Variants in CACNA1C observed in about 807,000 individuals in gnomAD.
CACNA1C encodes the protein voltage-dependent L-type calcium channel subunit alpha-1C.
Under a neutral mutation model 229.0 loss-of-function variants are expected in CACNA1C, and 30 were observed. The observed-to-expected ratio is 0.13, with a 90% CI of 0.10 to 0.18. The LOEUF is 0.18. Ranked by LOEUF, CACNA1C falls within the 10% of genes least tolerant of loss-of-function variation. The probability of loss-of-function intolerance (pLI) is 1.00; values close to 1 mark genes in which losing one functional copy is unlikely to be tolerated. For missense variants in CACNA1C, 1,658 were observed against 2,845.0 expected (o/e 0.58, Z 9.49); for synonymous variants, 1,114 against 1,132.5 (o/e 0.98, Z 0.33).
chr12:2,373,034 C>G (rs188049168), intron 3 of CACNA1C, among the ~76,000 whole-genome samples: 65 of 152,326 alleles, frequency 4.3e-4, no homozygotes, highest in Non-Finnish European at 3.7e-4. Flanking sequence ...CTGGGGCACT[C>G]GGCACATTCC....
At chr12:2,660,972 T>C (rs1489681346) in intron 34 of CACNA1C, 1 of 151,556 alleles carries the variant, frequency 6.6e-6, no homozygotes, top group African/African-American at 2.4e-5. Flanking sequence ...AAAAATAAGA[T>C]TTTCACCAGG....
intron 10 of CACNA1C, among the ~76,000 whole-genome samples, chr12:2,555,020 C>G (rs1014938283): frequency 7.2e-5 from 11 of 152,304 alleles, no homozygotes; most frequent in African/African-American, 2.6e-4. Context: ...AAGTGTGGTG[C>G]CCAGGCTTAT....
intron 3 of CACNA1C, among the ~76,000 whole-genome samples, chr12:2,324,111 C>T (rs1470815356): frequency 6.6e-6 from 1 of 152,160 alleles, no homozygotes; most frequent in Non-Finnish European, 1.5e-5. Context: ...ATTGTCAATC[C>T]TTCCCTTCAA....
At chr12:2,277,987 G>T (rs2089563396) in intron 3 of CACNA1C, among the ~76,000 whole-genome samples, 1 of 152,210 alleles carries the variant, frequency 6.6e-6, no homozygotes, top group Non-Finnish European at 1.5e-5. Flanking sequence ...ACAGACTGAG[G>T]CTGGCCAGGC....
At chr12:2,082,472 G>A (rs763483359) in intron 1 of CACNA1C, among the ~76,000 whole-genome samples, 35 of 152,128 alleles carry the variant, frequency 2.3e-4, no homozygotes, top group Admixed American at 8.5e-4. Flanking sequence ...TCGCTCCCCA[G>A]TTTCTATGTG....
chr12:2,490,535 A>T (rs1443249721), intron 6 of CACNA1C, among the ~76,000 whole-genome samples: 1 of 152,216 alleles, frequency 6.6e-6, no homozygotes, highest in Non-Finnish European at 1.5e-5. Context: ...GACTGAACAC[A>T]TCTCCCTAGA....
intron 1 of CACNA1C, among the ~76,000 whole-genome samples, chr12:2,023,136 A>G (rs1331962312): frequency 6.6e-6 from 1 of 152,204 alleles, no homozygotes; most frequent in Admixed American, 6.5e-5. Context: ...AAAACGAAAG[A>G]AAACAGTCAA....
rs553099939 is a variant in CACNA1C at position 2,585,389 on chromosome 12, G to C, written c.2353G>C (p.Glu785Gln). 2 of 1,612,648 alleles carry C rather than the reference G, an allele frequency of 1.2e-6. No homozygotes were observed. Among genetic ancestry groups the C allele is most frequent in the Non-Finnish European group, 1.7e-6 (2 of 1,179,340 alleles). ...CTGACTGGCCAGGACTGCCAGCCCA[G>C]AGAAGAAACAAGAGTTGGTGGAGAA... The part of the protein sequence containing the change: ...RKKLARTASP[E>Q]KKQELVEKPA... Residue 785 changes from glutamate (E) to glutamine (Q), a missense_variant, in exon 17 of 47, where the codon GAG becomes CAG. This residue lies in a region of CACNA1C where 121 missense variants were observed against 128.8 expected (regional missense o/e 0.94). Coordinates refer to ENST00000399655, the MANE Select transcript of CACNA1C (RefSeq NM_000719.7). The surrounding 1 kb of genome is among the most constrained non-coding windows in gnomAD (Gnocchi z 4.1).
rs114898435 is a variant in CACNA1C, at chr12:2,668,886, A to G, written c.4624-47A>G. On this transcript the variant is annotated intron_variant, in intron 37 of 46. Transcript: ENST00000399655. ...CTGCCACGGTGTTCTGCGGTCCCCT[A>G]AGCACCGCCTGCCATCATCACCAGC... The G allele has an allele frequency of 2.1e-3, 2,709 of 1,299,490 alleles. 51 individuals carry two copies. In the African/African-American group the frequency reaches 0.035, roughly 17 times the overall value. 80.5% of individuals were successfully genotyped at this position (1,299,490 alleles called of 1,614,324 possible).
chr12:2,523,167 A>C (rs1275448203), intron 9 of CACNA1C, among the ~76,000 whole-genome samples: 1 of 150,366 alleles, frequency 6.7e-6, no homozygotes, highest in Non-Finnish European at 1.5e-5. Flanking sequence ...TGGTGCTGGT[A>C]GTAGGGCATG....
At chr12:2,336,847 C>T (rs1316450384) in intron 3 of CACNA1C, among the ~76,000 whole-genome samples, 2 of 152,040 alleles carry the variant, frequency 1.3e-5, no homozygotes, top group Admixed American at 6.6e-5. Context: ...GAGAAAGGAG[C>T]GAGTGGAGTG....
chr12:2,063,114 C>G (rs1386451161), intron 1 of CACNA1C, among the ~76,000 whole-genome samples: 1 of 151,642 alleles, frequency 6.6e-6, no homozygotes, highest in Non-Finnish European at 1.5e-5. Context: ...ACTTTTGTCT[C>G]TATGGATTTT....
At chr12:2,343,987 G>A (rs754817860) in intron 3 of CACNA1C, among the ~76,000 whole-genome samples, 2 of 152,090 alleles carry the variant, frequency 1.3e-5, no homozygotes, top group Admixed American at 6.5e-5. Context: ...TAGAGAAAAC[G>A]GTGCCACCTT....
At chr12:2,072,966 A>G (rs532057747) in intron 1 of CACNA1C, among the ~76,000 whole-genome samples, 1 of 152,272 alleles carries the variant, frequency 6.6e-6, no homozygotes, top group African/African-American at 2.4e-5. Flanking sequence ...GGACACAGTG[A>G]TAGATACGTT....
At position 2,653,919 on chromosome 12, in the gene CACNA1C, C is replaced by G; in HGVS notation, c.4140+19C>G. The G allele has an allele frequency of 6.2e-7, 1 of 1,609,420 alleles. No homozygotes were observed. The highest frequency in any genetic ancestry group is 8.5e-7 in the Non-Finnish European group (1 of 1,176,068). The stretch of plus-strand genomic sequence containing the variant: ...GATGCAGGTAGGGAGGCTCCCACCA[C>G]GGGGCTCCTGGCCTCCCGCTCTGTC... On this transcript the variant is annotated intron_variant, in intron 33 of 46. Coordinates refer to ENST00000399655, the MANE Select transcript of CACNA1C (RefSeq NM_000719.7). The surrounding 1 kb of genome is among the most constrained non-coding windows in gnomAD (Gnocchi z 4.7).
chr12:2,354,994 T>C lies in CACNA1C; in HGVS notation c.478-93982T>C, dbSNP rs373377075. Among the ~76,000 whole-genome samples the C allele has an allele frequency of 2.0e-5, 3 of 151,364 alleles. 1 individual carries two copies. Reference sequence around the variant, plus strand: ...GTGCAGGTGTGAGGATGGGTCTGGGTGTGGGGTGGGGTGGAGGGCTGAAGA... The same window carrying C: ...GTGCAGGTGTGAGGATGGGTCTGGGCGTGGGGTGGGGTGGAGGGCTGAAGA... On this transcript the variant is annotated intron_variant, in intron 3 of 46. Coordinates refer to ENST00000399655, the MANE Select transcript of CACNA1C (RefSeq NM_000719.7). The surrounding 1 kb of genome is among the most constrained non-coding windows in gnomAD (Gnocchi z 4.6).
At chr12:2,549,481 A>G (rs899497460) in intron 9 of CACNA1C, among the ~76,000 whole-genome samples, 3 of 152,208 alleles carry the variant, frequency 2.0e-5, no homozygotes, top group Admixed American at 6.5e-5. Flanking sequence ...CGCCCTTTCT[A>G]CAAACAGGCT....
At chr12:2,169,680 CTGTT>C (rs1247759471) in intron 3 of CACNA1C, among the ~76,000 whole-genome samples, 3 of 152,126 alleles carry the variant, frequency 2.0e-5, no homozygotes, top group Non-Finnish European at 1.5e-5. Context: ...TTGCCAGCCT[CTGTT>C]TGTTGGTTCT....
intron 3 of CACNA1C, among the ~76,000 whole-genome samples, chr12:2,342,501 C>G (rs1415005115): frequency 6.6e-6 from 1 of 152,122 alleles, no homozygotes; most frequent in Non-Finnish European, 1.5e-5. Flanking sequence ...CTTTCTAAGC[C>G]CATGAATGTG....
Sources: allele counts gnomAD v4.1 joint callset (sites outside exome capture counted in the v4.1 genomes callset), GRCh38; gene constraint gnomAD v4.1.1; regional missense constraint gnomAD v4.1.1; non-coding constraint Gnocchi (gnomAD v3.1); transcripts MANE v1.5; gene names NCBI Gene and HGNC (gene_info 2026-07-23, HGNC 2026-07-21).